CMSS1: variants seen among roughly 807,000 people sequenced by gnomAD.
The protein encoded by CMSS1 is protein CMSS1.
In CMSS1, 33 loss-of-function variants were observed where a neutral mutation model predicts 43.5. The observed-to-expected ratio is 0.76, with a 90% CI of 0.57 to 1.01. CMSS1 has a LOEUF of 1.01. CMSS1 is among the 50% of genes least tolerant of loss of function. The pLI is 0.00. For missense variants in CMSS1, 313 were observed against 326.4 expected, an observed-to-expected ratio of 0.96 and a Z score of 0.32; for synonymous variants, 115 against 117.2, an observed-to-expected ratio of 0.98 and a Z score of 0.12.
Position 100,162,569 on chromosome 3 carries a change from A to C in CMSS1, c.355+137A>C, listed in dbSNP as rs2067033662. On this transcript the variant is annotated intron_variant, in intron 4 of 9. Transcript: ENST00000421999. ...ATGCCTATAATCCCAGCACTTTGGG[A>C]GACTGAGGCTAGAGGATCGCTTGAG... is the stretch of plus-strand genomic sequence containing the variant. 1.4e-5 allele frequency: 12 copies of C among 885,168 alleles called. No individual in the cohort carries two copies. The South Asian group carries it at 1.7e-4, about 13-fold the overall frequency. 54.8% of individuals were successfully genotyped at this position (885,168 alleles called of 1,614,324 possible).
At chr3:100,164,388 T>A (rs964419568) in intron 4 of CMSS1, among the ~76,000 whole-genome samples, 2 of 152,194 alleles carry the variant, frequency 1.3e-5, no homozygotes. Flanking sequence ...TGCTCCTCTC[T>A]GGAGTTAGAG....
intron 1 of CMSS1, chr3:99,850,993 A>T: frequency 3.1e-6 from 5 of 1,613,854 alleles, no homozygotes; most frequent in Non-Finnish European, 4.2e-6. Context: ...CTCCTCTTTC[A>T]GGGTGGTGAC....
chr3:99,899,342 A>C (rs1706362740), intron 1 of CMSS1, among the ~76,000 whole-genome samples: 1 of 152,180 alleles, frequency 6.6e-6, no homozygotes, highest in South Asian at 2.1e-4. Flanking sequence ...ATTTCTTATT[A>C]TGATGCATTC....
intron 1 of CMSS1, chr3:99,925,988 T>G (rs1206327593): frequency 1.7e-6 from 1 of 604,064 alleles, no homozygotes; most frequent in East Asian, 1.4e-4. Context: ...ATTAAGAACT[T>G]GGTTTTGAAA....
intron 1 of CMSS1, among the ~76,000 whole-genome samples, chr3:99,852,092 T>G (rs1323194900): frequency 2.0e-5 from 3 of 152,224 alleles, no homozygotes; most frequent in African/African-American, 7.2e-5. Context: ...AGGAGGGTAT[T>G]TTACATGTAG....
chr3:99,876,579 G>T (rs142051507), intron 1 of CMSS1, among the ~76,000 whole-genome samples: 24 of 152,280 alleles, frequency 1.6e-4, no homozygotes, highest in African/African-American at 4.8e-4. Context: ...TTGGTTGCTG[G>T]GGGTAGGCGG....
At chr3:100,169,203 G>A (rs1422216421) in intron 6 of CMSS1, among the ~76,000 whole-genome samples, 4 of 152,128 alleles carry the variant, frequency 2.6e-5, no homozygotes, top group Non-Finnish European at 4.4e-5. Context: ...AAAACTTAAA[G>A]GTAAAGATTA....
chr3:99,887,035 G>T (rs1705923859), intron 1 of CMSS1, among the ~76,000 whole-genome samples: 1 of 151,742 alleles, frequency 6.6e-6, no homozygotes, highest in Non-Finnish European at 1.5e-5. Flanking sequence ...ACTTTGAGAG[G>T]CTGAGGTGGG....
intron 1 of CMSS1, among the ~76,000 whole-genome samples, chr3:99,824,143 G>A (rs1215590355): frequency 6.6e-6 from 1 of 151,836 alleles, no homozygotes; most frequent in African/African-American, 2.4e-5. Flanking sequence ...GGCTGATCTC[G>A]AACTCCTGAG....
chr3:99,875,122 T>C (rs1409764637), intron 1 of CMSS1, among the ~76,000 whole-genome samples: 2 of 152,238 alleles, frequency 1.3e-5, no homozygotes, highest in Non-Finnish European at 2.9e-5. Context: ...ATTTTTCATC[T>C]CCTATTCCAG....
chr3:100,044,780 A>C (rs1249442694), intron 1 of CMSS1, among the ~76,000 whole-genome samples: 1 of 152,212 alleles, frequency 6.6e-6, no homozygotes, highest in African/African-American at 2.4e-5. Flanking sequence ...ACCAATGTGA[A>C]AAAGGCTGGT....
intron 1 of CMSS1, among the ~76,000 whole-genome samples, chr3:99,875,750 C>T (rs970738170): frequency 5.9e-5 from 9 of 152,164 alleles, no homozygotes; most frequent in African/African-American, 1.7e-4. Context: ...TAGTCTCCCC[C>T]ACCCTTTCCC....
chr3:100,076,492 T>C (rs1186258090), intron 1 of CMSS1, among the ~76,000 whole-genome samples: 1 of 152,252 alleles, frequency 6.6e-6, no homozygotes, highest in Non-Finnish European at 1.5e-5. Context: ...CTATTTCTGT[T>C]ATATTGCAAA....
At chr3:100,009,495 G>A (rs1710081844) in intron 1 of CMSS1, among the ~76,000 whole-genome samples, 1 of 150,762 alleles carries the variant, frequency 6.6e-6, no homozygotes, top group Non-Finnish European at 1.5e-5. Context: ...ACATAGGCAA[G>A]CACGGTATAG....
At chr3:99,848,343 A>G (rs1218010459) in intron 1 of CMSS1, 1 of 1,614,160 alleles carries the variant, frequency 6.2e-7, no homozygotes, top group South Asian at 1.1e-5. Flanking sequence ...GTGTGATAGT[A>G]ATACTGCTGG....
intron 1 of CMSS1, among the ~76,000 whole-genome samples, chr3:100,049,879 C>T (rs1167589522): frequency 6.6e-6 from 1 of 152,042 alleles, no homozygotes; most frequent in African/African-American, 2.4e-5. Context: ...GGCTTCTGGT[C>T]AACAGTAAGC....
intron 1 of CMSS1, among the ~76,000 whole-genome samples, chr3:99,916,259 G>A (rs1346386595): frequency 6.6e-6 from 1 of 152,088 alleles, no homozygotes; most frequent in Non-Finnish European, 1.5e-5. Context: ...TTCTGTCCTT[G>A]CCACTCCTGA....
chr3:99,915,071 A>G (rs1706910420), intron 1 of CMSS1, among the ~76,000 whole-genome samples: 1 of 152,118 alleles, frequency 6.6e-6, no homozygotes, highest in African/African-American at 2.4e-5. Flanking sequence ...TAGCTCCATG[A>G]TAAGGGCACC....
At chr3:99,832,788 C>G (rs1942729534) in intron 1 of CMSS1, among the ~76,000 whole-genome samples, 1 of 142,416 alleles carries the variant, frequency 7.0e-6, no homozygotes, top group Non-Finnish European at 1.5e-5. Flanking sequence ...TGCAGTGAGC[C>G]GAGATCATAG....
Sources: allele counts gnomAD v4.1 joint callset (sites outside exome capture counted in the v4.1 genomes callset), GRCh38; gene constraint gnomAD v4.1.1; transcripts MANE v1.5; gene names NCBI Gene and HGNC (gene_info 2026-07-23, HGNC 2026-07-21).